SOX5: variants seen among roughly 807,000 people sequenced by gnomAD.
SOX5 encodes the protein SRY-box transcription factor 5.
SOX5 carries 9 observed loss-of-function variants against 92.0 expected under a neutral mutation model. The observed-to-expected ratio is 0.10, with a 90% CI of 0.06 to 0.17. SOX5 has a LOEUF of 0.17. Ranked by LOEUF, SOX5 falls within the 10% of genes least tolerant of loss-of-function variation. The probability of loss-of-function intolerance (pLI) is 1.00; values close to 1 mark genes in which losing one functional copy is unlikely to be tolerated. For synonymous variants in SOX5, 344 were observed against 336.3 expected, an observed-to-expected ratio of 1.02 and a Z score of -0.25; for missense variants, 642 against 944.5, an observed-to-expected ratio of 0.68 and a Z score of 4.20.
intron 1 of SOX5, among the ~76,000 whole-genome samples, chr12:24,521,506 A>G (rs1201972185): frequency 6.6e-6 from 1 of 152,244 alleles, no homozygotes; most frequent in African/African-American, 2.4e-5. Flanking sequence ...CAGAATATAC[A>G]TTCTTCTCGA....
Position 24,505,834 on chromosome 12 carries a change from T to C in SOX5, c.-251+56495A>G, listed in dbSNP as rs1349398762. ...CTGGAAGGCCAAGGCTTGGTATGTG[T>C]GTGTGTGTGTGTGTGTGTGCGTGTG... On this transcript the variant is annotated intron_variant, in intron 1 of 4. Coordinates refer to the SOX5 transcript ENST00000446891. Among the ~76,000 whole-genome samples, 13 of 88,986 alleles carry C rather than the reference T, an allele frequency of 1.5e-4. No individual in the cohort carries two copies. In the East Asian group the frequency reaches 0.012, roughly 85 times the overall value. The allele number at this position is 88,986 out of a possible 152,430, so 58.4% of individuals were successfully genotyped here. A position where few individuals can be genotyped will look rare whatever the true frequency, so the allele number is the denominator to read the frequency against.
intron 10 of SOX5, among the ~76,000 whole-genome samples, chr12:23,564,722 G>A (rs1027644923): frequency 6.6e-6 from 1 of 152,192 alleles, no homozygotes; most frequent in African/African-American, 2.4e-5. Context: ...TAACTGCCGT[G>A]TTAGGAAAGT....
Position 24,134,132 on chromosome 12 carries a change from GA to G in SOX5, c.-2+79210del, listed in dbSNP as rs1949906710. ...AGACAGGTTGATAAATGCAGGTGAAGAAACATTAATGTTTAAATTGAGACAA... is the reference window on the plus strand; with the variant it reads ...AGACAGGTTGATAAATGCAGGTGAAGAACATTAATGTTTAAATTGAGACAA... On this transcript the variant is annotated intron_variant, in intron 4 of 4. Transcript: ENST00000446891. Among the ~76,000 whole-genome samples the G allele has an allele frequency of 2.6e-5, 4 of 152,082 alleles. No homozygotes were observed. The South Asian group carries it at 8.3e-4, about 32-fold the overall frequency.
At chr12:23,778,177 T>C (rs1433455894) in intron 3 of SOX5, among the ~76,000 whole-genome samples, 1 of 152,202 alleles carries the variant, frequency 6.6e-6, no homozygotes, top group Non-Finnish European at 1.5e-5. Context: ...GTTGTATTTC[T>C]TGCAAATAAA....
At chr12:24,412,095 T>C (rs1203345223) in intron 1 of SOX5, among the ~76,000 whole-genome samples, 2 of 152,182 alleles carry the variant, frequency 1.3e-5, no homozygotes, top group Non-Finnish European at 2.9e-5. Flanking sequence ...CCTTTTGGTG[T>C]CTGCAGAGTC....
At chr12:23,831,339 G>C (rs756747005) in intron 3 of SOX5, among the ~76,000 whole-genome samples, 1 of 151,932 alleles carries the variant, frequency 6.6e-6, no homozygotes, top group Non-Finnish European at 1.5e-5. Flanking sequence ...TAAACATCCA[G>C]GAATAAACAT....
At chr12:24,395,667 G>A (rs1485308054) in intron 1 of SOX5, among the ~76,000 whole-genome samples, 3 of 152,192 alleles carry the variant, frequency 2.0e-5, no homozygotes, top group African/African-American at 7.2e-5. Context: ...CATCAATAAA[G>A]CATAGCCAGG....
intron 4 of SOX5, among the ~76,000 whole-genome samples, chr12:24,086,072 T>G (rs1253659624): frequency 6.6e-6 from 1 of 152,014 alleles, no homozygotes; most frequent in Non-Finnish European, 1.5e-5. Context: ...TTCTTTTGCG[T>G]GGTTAAGAAA....
chr12:24,500,896 G>T (rs768153504), intron 1 of SOX5, among the ~76,000 whole-genome samples: 1 of 152,096 alleles, frequency 6.6e-6, no homozygotes, highest in Non-Finnish European at 1.5e-5. Flanking sequence ...AGAAAAGTTG[G>T]TTATCTATTT....
At chr12:23,735,890 G>A (rs11830195) in intron 5 of SOX5, among the ~76,000 whole-genome samples, 1 of 151,998 alleles carries the variant, frequency 6.6e-6, no homozygotes, top group African/African-American at 2.4e-5. Context: ...TTATTTGCTA[G>A]TAACATCTTT....
intron 3 of SOX5, among the ~76,000 whole-genome samples, chr12:24,234,374 C>T (rs961684201): frequency 5.3e-5 from 8 of 152,050 alleles, no homozygotes; most frequent in Non-Finnish European, 5.9e-5. Context: ...ACATATTTAC[C>T]TATCATGTTA....
intron 1 of SOX5, among the ~76,000 whole-genome samples, chr12:24,477,166 C>G (rs1945486720): frequency 6.7e-6 from 1 of 148,346 alleles, no homozygotes; most frequent in African/African-American, 2.5e-5. Flanking sequence ...TGGAGTCACG[C>G]TGTGTTGCCC....
intron 4 of SOX5, among the ~76,000 whole-genome samples, chr12:24,046,746 C>A (rs1332331690): frequency 6.9e-6 from 1 of 144,636 alleles, no homozygotes; most frequent in Non-Finnish European, 1.5e-5. Flanking sequence ...ATGGTGCGAT[C>A]TCGGCTCACT....
chr12:24,463,952 G>C (rs954074650), intron 1 of SOX5, among the ~76,000 whole-genome samples: 2 of 151,906 alleles, frequency 1.3e-5, no homozygotes. Flanking sequence ...CATGTTTATT[G>C]GCTTTATTTA....
chr12:24,549,728 T>C (rs1952967151), intron 1 of SOX5, among the ~76,000 whole-genome samples: 1 of 152,196 alleles, frequency 6.6e-6, no homozygotes, highest in African/African-American at 2.4e-5. Context: ...CCTGAAAAGA[T>C]AGTTGGAGAC....
intron 4 of SOX5, among the ~76,000 whole-genome samples, chr12:24,002,039 T>C (rs574935129): frequency 3.0e-4 from 46 of 152,250 alleles, no homozygotes; most frequent in African/African-American, 9.6e-4. Context: ...ATGAAATTCA[T>C]TGGATACAGC....
At position 23,578,959 on chromosome 12, in the gene SOX5, AAGC is replaced by A. The variant is rs1377159313; in HGVS notation, c.1165-3124_1165-3122del. ...AAACAAAACAAAGCAAAGCAAAGCA[AAGC>A]AAAGAAAAAGAAAGCAAAGAGAAAA... is the stretch of plus-strand genomic sequence containing the variant. On this transcript the variant is annotated intron_variant, in intron 9 of 14. Transcript: ENST00000451604. 2.6e-5 allele frequency among the ~76,000 whole-genome samples: 4 copies of A among 152,326 alleles called. No individual in the cohort carries two copies. The South Asian group carries it at 6.2e-4, about 24-fold the overall frequency.
intron 4 of SOX5, among the ~76,000 whole-genome samples, chr12:23,749,491 G>C (rs763491655): frequency 6.6e-6 from 1 of 151,822 alleles, no homozygotes; most frequent in Non-Finnish European, 1.5e-5. Flanking sequence ...TCCATGTTAA[G>C]GGTGACACCA....
intron 8 of SOX5, among the ~76,000 whole-genome samples, chr12:23,623,865 T>C (rs1027958650): frequency 6.6e-6 from 1 of 152,074 alleles, no homozygotes; most frequent in African/African-American, 2.4e-5. Context: ...AAGCAGGATC[T>C]AGAAGAGATA....
Sources: allele counts gnomAD v4.1 joint callset (sites outside exome capture counted in the v4.1 genomes callset), GRCh38; gene constraint gnomAD v4.1.1; transcripts MANE v1.5; gene names NCBI Gene and HGNC (gene_info 2026-07-23, HGNC 2026-07-21).